Variants in TRMT11 observed in about 807,000 individuals in gnomAD.
TRMT11 encodes the protein tRNA methyltransferase 11, also known as tRNA (guanine(10)-N(2))-methyltransferase TRMT11.
A neutral mutation model predicts 62.8 loss-of-function variants in TRMT11; 53 were observed. That is an observed-to-expected ratio of 0.84 (90% confidence interval 0.68 to 1.06). The LOEUF (loss-of-function observed/expected upper bound fraction) is 1.06. Among genes scored for constraint, TRMT11 ranks in the 50% least tolerant of loss-of-function variants. TRMT11 has a pLI of 0.00. For synonymous variants in TRMT11, 188 were observed against 190.3 expected (o/e 0.99, Z 0.10); for missense variants, 556 against 553.4 (o/e 1.00, Z -0.05).
At chr6:126,072,572 A>G (rs555722289) in intron 17 of TRMT11, among the ~76,000 whole-genome samples, 2 of 152,336 alleles carry the variant, frequency 1.3e-5, no homozygotes, top group South Asian at 4.1e-4. Context: ...ATATAAAAAT[A>G]ATCAGAACAA....
At chr6:126,001,567 T>C (rs1202044557) in intron 7 of TRMT11, among the ~76,000 whole-genome samples, 1 of 152,170 alleles carries the variant, frequency 6.6e-6, no homozygotes, top group African/African-American at 2.4e-5. Context: ...TTGATTTTTT[T>C]CTGTTCATAA....
At chr6:126,184,780 T>C (rs942010675) in intron 1 of TRMT11, among the ~76,000 whole-genome samples, 2 of 152,170 alleles carry the variant, frequency 1.3e-5, no homozygotes, top group Non-Finnish European at 2.9e-5. Flanking sequence ...TGAACCTGGC[T>C]CTCTGTTGTT....
At chr6:126,107,513 C>T (rs2128184579) in intron 17 of TRMT11, among the ~76,000 whole-genome samples, 1 of 152,242 alleles carries the variant, frequency 6.6e-6, no homozygotes, top group South Asian at 2.1e-4. Context: ...AAGTGATGGC[C>T]ACCCAGCCCT....
At chr6:126,175,080 G>A (rs940262349), upstream of TRMT11, among the ~76,000 whole-genome samples, 1 of 152,200 alleles carries the variant, frequency 6.6e-6, no homozygotes, top group Non-Finnish European at 1.5e-5. Flanking sequence ...CCTTCAGCCA[G>A]TATGATACAC....
chr6:126,020,459 C>T (rs907852745), intron 11 of TRMT11, among the ~76,000 whole-genome samples: 1 of 152,192 alleles, frequency 6.6e-6, no homozygotes, highest in African/African-American at 2.4e-5. Flanking sequence ...CTATTGACTC[C>T]TGCTTTCTAG....
chr6:126,121,300 T>G (rs771823202), intron 21 of TRMT11, among the ~76,000 whole-genome samples: 3 of 152,160 alleles, frequency 2.0e-5, no homozygotes, highest in Non-Finnish European at 4.4e-5. Flanking sequence ...TTAGATATGA[T>G]GCCCATTTAT....
chr6:126,020,380 C>A (rs1795643583), intron 11 of TRMT11, among the ~76,000 whole-genome samples: 2 of 152,308 alleles, frequency 1.3e-5, no homozygotes, highest in South Asian at 2.1e-4. Flanking sequence ...TTTCTCCCAC[C>A]TCTGTTACCT....
chr6:126,268,839 T>C, the TRMT11 span, among the ~76,000 whole-genome samples: 10 of 152,094 alleles, frequency 6.6e-5, no homozygotes, highest in Non-Finnish European at 1.2e-4. Context: ...CAAACCTTTC[T>C]AAACCAAACA....
At chr6:125,988,724 A>G (rs973058620) in intron 1 of TRMT11, among the ~76,000 whole-genome samples, 6 of 152,200 alleles carry the variant, frequency 3.9e-5, no homozygotes, top group Admixed American at 6.5e-5. Context: ...GGAGAAGAGC[A>G]TAGGTATTAG....
At chr6:126,153,948 A>T (rs111311465) in intron 21 of TRMT11, among the ~76,000 whole-genome samples, 1 of 152,124 alleles carries the variant, frequency 6.6e-6, no homozygotes, top group Non-Finnish European at 1.5e-5. Context: ...GGCTACTGTC[A>T]GTGAGTCATT....
chr6:126,226,506 G>C, the TRMT11 span, among the ~76,000 whole-genome samples: 1 of 151,930 alleles, frequency 6.6e-6, no homozygotes, highest in Non-Finnish European at 1.5e-5. Flanking sequence ...AAAATTTCTT[G>C]CTTTTCAAGT....
chr6:126,068,569 CT>C (rs1364020470), intron 17 of TRMT11, among the ~76,000 whole-genome samples: 1 of 152,166 alleles, frequency 6.6e-6, no homozygotes, highest in Non-Finnish European at 1.5e-5. Flanking sequence ...TGTTTTAAGG[CT>C]TTGTTTCTTA....
At chr6:125,993,900 C>A in intron 2 of TRMT11, 78 bp downstream of exon 2, 2 of 788,822 alleles carry the variant, frequency 2.5e-6, no homozygotes, top group Non-Finnish European at 4.1e-6. Flanking sequence ...AAGTGCATAT[C>A]TTAAATTTAT....
rs189529304 is a variant in TRMT11, at chr6:126,103,848, A to G, written c.*1438-9018A>G. Among the ~76,000 whole-genome samples the G allele has an allele frequency of 1.2e-3, 185 of 152,270 alleles. 1 individual carries two copies. The highest frequency in any genetic ancestry group is 6.8e-3 in the Middle Eastern group (2 of 294). On this transcript the variant is annotated intron_variant and NMD_transcript_variant, in intron 17 of 22. Coordinates refer to the TRMT11 transcript ENST00000648977. The stretch of plus-strand genomic sequence containing the variant: ...AATGTCATAATGAGAGTGACTTCCT[A>G]TCTCCTTTGCTATATTCTGTTGATT...
At chr6:126,248,680 T>C in the TRMT11 span, among the ~76,000 whole-genome samples, 2 of 152,248 alleles carry the variant, frequency 1.3e-5, no homozygotes, top group African/African-American at 4.8e-5. Flanking sequence ...GGTATAAACC[T>C]TTCATGAGGA....
At chr6:126,001,466 G>A (rs562841136) in intron 7 of TRMT11, among the ~76,000 whole-genome samples, 4 of 152,140 alleles carry the variant, frequency 2.6e-5, no homozygotes, top group Admixed American at 2.0e-4. Context: ...CTACATCAGT[G>A]ACTTTTGTGG....
chr6:126,080,349 A>T (rs1428137956), intron 17 of TRMT11, among the ~76,000 whole-genome samples: 2 of 151,928 alleles, frequency 1.3e-5, no homozygotes, highest in Non-Finnish European at 2.9e-5. Context: ...GGCCTCTCAA[A>T]GTGCTGGGAA....
chr6:126,223,436 A>AACAAT, the TRMT11 span, among the ~76,000 whole-genome samples: 4 of 134,078 alleles, frequency 3.0e-5, no homozygotes, highest in Non-Finnish European at 7.1e-5. Flanking sequence ...AACAAAACAA[A>AACAAT]ACAAAACAAA....
At chr6:126,207,330 A>G (rs927192309), downstream of TRMT11, among the ~76,000 whole-genome samples, 6 of 152,192 alleles carry the variant, frequency 3.9e-5, no homozygotes, top group African/African-American at 1.4e-4. Flanking sequence ...CAAATCAGGC[A>G]ACAAGATGAT....
Sources: gnomAD v4.1 joint callset for allele counts (sites outside exome capture counted in the v4.1 genomes callset) on GRCh38, gnomAD v4.1.1 for gene constraint, MANE v1.5 for transcripts, NCBI Gene and HGNC (gene_info 2026-07-23, HGNC 2026-07-21) for gene names.